Variants in NOVA1 observed in about 807,000 individuals in gnomAD.
NOVA1 encodes the protein NOVA alternative splicing regulator 1.
In NOVA1, 7 loss-of-function variants were observed where a neutral mutation model predicts 38.0. That is an observed-to-expected ratio of 0.18 (90% CI 0.10 to 0.35). The LOEUF (loss-of-function observed/expected upper bound fraction) is 0.35. Ranked by LOEUF, NOVA1 falls within the 10% of genes least tolerant of loss-of-function variation. NOVA1 has a pLI of 1.00. For missense variants in NOVA1, 460 were observed against 616.0 expected, an observed-to-expected ratio of 0.75 and a Z score of 2.68; for synonymous variants, 270 against 232.5, an observed-to-expected ratio of 1.16 and a Z score of -1.47.
chr14:26,457,420 A>AC (rs1883273640), intron 4 of NOVA1, among the ~76,000 whole-genome samples: 1 of 152,110 alleles, frequency 6.6e-6, no homozygotes, highest in South Asian at 2.1e-4. Flanking sequence ...TCAACCACAG[A>AC]CCATGTATTC....
chr14:26,542,436 A>G (rs1047597634), intron 2 of NOVA1, among the ~76,000 whole-genome samples: 1 of 151,898 alleles, frequency 6.6e-6, no homozygotes, highest in African/African-American at 2.4e-5. Context: ...AGACTGCATT[A>G]TTATAAAAAG....
intron 1 of NOVA1, chr14:26,597,047 G>C (rs1894237746): frequency 4.1e-6 from 5 of 1,223,410 alleles, no homozygotes; most frequent in Non-Finnish European, 4.1e-6. Context: ...GGAAAGATAG[G>C]TCTATTCCGA....
At chr14:26,470,618 T>C (rs1884513927) in intron 4 of NOVA1, 2 of 625,398 alleles carry the variant, frequency 3.2e-6, no homozygotes, top group East Asian at 2.8e-5. Context: ...AGGGTAAATG[T>C]AGCACTTTAT....
chr14:26,574,246 G>C (rs1267535130), intron 2 of NOVA1, among the ~76,000 whole-genome samples: 3 of 125,066 alleles, frequency 2.4e-5, no homozygotes, highest in East Asian at 2.6e-4. Context: ...GGCTGGTCTT[G>C]AACTCCTGAC....
rs1347611470 is a variant in NOVA1 at position 26,446,138 on chromosome 14, A to G, written c.*1821T>C. 7.0e-6 allele frequency: 1 copy of G among 143,292 alleles called. No homozygotes were observed. The highest frequency in any genetic ancestry group is 1.6e-5 in the Non-Finnish European group (1 of 64,460). 8.9% of individuals were successfully genotyped at this position (143,292 alleles called of 1,614,324 possible). On this transcript the variant is annotated 3_prime_UTR_variant, in exon 5 of 5. Transcript: ENST00000539517. ...GAGATAGAGAACTCTAAATGAAATA[A>G]CAGTCCAATGTTAAAAACTAAAAAA...
intron 2 of NOVA1, among the ~76,000 whole-genome samples, chr14:26,493,652 T>G (rs974840832): frequency 6.6e-6 from 1 of 152,174 alleles, no homozygotes; most frequent in Non-Finnish European, 1.5e-5. Context: ...GGACTCCTGG[T>G]CACTCACTAG....
chr14:26,486,695 T>TAAAAA (rs1885922525), intron 2 of NOVA1, among the ~76,000 whole-genome samples: 2 of 4,052 alleles, frequency 4.9e-4, no homozygotes, highest in East Asian at 6.8e-3. Context: ...GGTGACAGAC[T>TAAAAA]CAAAAAAAAA....
At chr14:26,550,636 G>T (rs184971469) in intron 2 of NOVA1, among the ~76,000 whole-genome samples, 41 of 152,120 alleles carry the variant, frequency 2.7e-4, no homozygotes, top group Non-Finnish European at 4.7e-4. Context: ...TCAAAAGGCT[G>T]TAAGGTACTA....
intron 2 of NOVA1, among the ~76,000 whole-genome samples, chr14:26,481,988 T>TTAAAAAAAAAAAAAAAAAA (rs922159329): frequency 9.4e-6 from 1 of 105,960 alleles, no homozygotes; most frequent in Non-Finnish European, 1.8e-5. Flanking sequence ...TAGATAGAGA[T>TTAAAAAAAAAAAAAAAAAA]AAAAAAAAAA....
At chr14:26,474,700 AG>A (rs1401096052) in intron 3 of NOVA1, among the ~76,000 whole-genome samples, 1 of 151,960 alleles carries the variant, frequency 6.6e-6, no homozygotes, top group Non-Finnish European at 1.5e-5. Flanking sequence ...ATCTGTTAAG[AG>A]GTTACATTTT....
intron 2 of NOVA1, among the ~76,000 whole-genome samples, chr14:26,510,526 A>T (rs1237998897): frequency 6.6e-6 from 1 of 152,212 alleles, no homozygotes; most frequent in Non-Finnish European, 1.5e-5. Flanking sequence ...CTCTTTTAAA[A>T]GGCTCCCACA....
intron 3 of NOVA1, among the ~76,000 whole-genome samples, chr14:26,478,364 T>A (rs1376606913): frequency 6.6e-6 from 1 of 151,830 alleles, no homozygotes; most frequent in African/African-American, 2.4e-5. Flanking sequence ...TACTACTAAA[T>A]TTTATGTTTT....
intron 2 of NOVA1, among the ~76,000 whole-genome samples, chr14:26,582,497 A>T (rs1336660519): frequency 6.6e-6 from 1 of 151,838 alleles, no homozygotes; most frequent in Non-Finnish European, 1.5e-5. Context: ...ACTCCATAGA[A>T]CCTCAAAGCT....
At chr14:26,578,475 G>A (rs1893003793) in intron 2 of NOVA1, among the ~76,000 whole-genome samples, 1 of 152,078 alleles carries the variant, frequency 6.6e-6, no homozygotes, top group Non-Finnish European at 1.5e-5. Context: ...ATCTAAGTAG[G>A]TAAGATGGAA....
At chr14:26,518,720 T>A (rs1888655866) in intron 2 of NOVA1, among the ~76,000 whole-genome samples, 1 of 152,096 alleles carries the variant, frequency 6.6e-6, no homozygotes, top group Non-Finnish European at 1.5e-5. Flanking sequence ...GTAACCCTAT[T>A]CTGCAATAGA....
intron 2 of NOVA1, among the ~76,000 whole-genome samples, chr14:26,529,607 G>C (rs909604939): frequency 3.3e-5 from 5 of 152,242 alleles, no homozygotes; most frequent in South Asian, 2.1e-4. Context: ...AGAATGGTTC[G>C]TGATCCTCTG....
intron 2 of NOVA1, among the ~76,000 whole-genome samples, chr14:26,565,415 T>C (rs1020551812): frequency 2.0e-5 from 3 of 152,160 alleles, no homozygotes; most frequent in African/African-American, 4.8e-5. Flanking sequence ...ATGACTCTTC[T>C]GTTCTCTTGT....
intron 2 of NOVA1, among the ~76,000 whole-genome samples, chr14:26,488,197 A>G (rs1459666148): frequency 6.6e-6 from 1 of 152,212 alleles, no homozygotes; most frequent in African/African-American, 2.4e-5. Flanking sequence ...TGCTTAATCC[A>G]AAGTCAACAT....
chr14:26,490,403 C>T (rs556907867), intron 2 of NOVA1, among the ~76,000 whole-genome samples: 1 of 152,134 alleles, frequency 6.6e-6, no homozygotes, highest in African/African-American at 2.4e-5. Flanking sequence ...GTAATTCTAG[C>T]CTTTTGAGGA....
Sources: gnomAD v4.1 joint callset for allele counts (sites outside exome capture counted in the v4.1 genomes callset) on GRCh38, gnomAD v4.1.1 for gene constraint, MANE v1.5 for transcripts, NCBI Gene and HGNC (gene_info 2026-07-23, HGNC 2026-07-21) for gene names.